Variants in LIN52 observed in about 807,000 individuals in gnomAD.
The protein encoded by LIN52 is protein lin-52 homolog.
Under a neutral mutation model 18.5 loss-of-function variants are expected in LIN52, and 4 were observed. The ratio of observed to expected loss-of-function variants is 0.22; its 90% CI spans 0.11 to 0.49. LIN52 has a LOEUF of 0.49. Among genes scored for constraint, LIN52 ranks in the 20% least tolerant of loss-of-function variants. The pLI, the probability that LIN52 is intolerant of heterozygous loss-of-function variation, is 0.97. For synonymous variants in LIN52, 34 were observed against 45.5 expected (o/e 0.75, Z 1.02); for missense variants, 102 against 139.5 (o/e 0.73, Z 1.35).
At chr14:74,087,413 CAAAA>C (rs59052804) in intron 1 of LIN52, among the ~76,000 whole-genome samples, 2 of 100,236 alleles carry the variant, frequency 2.0e-5, no homozygotes, top group Admixed American at 1.2e-4. Flanking sequence ...GACTCCATTG[CAAAA>C]AAAAAAAAAA....
chr14:74,158,444 C>T (rs981873959), intron 5 of LIN52, among the ~76,000 whole-genome samples: 28 of 150,026 alleles, frequency 1.9e-4, no homozygotes, highest in African/African-American at 5.4e-4. Context: ...GTTATTTCTT[C>T]CTTTCTTTCT....
intron 5 of LIN52, among the ~76,000 whole-genome samples, chr14:74,142,715 C>T (rs1463791687): frequency 1.3e-5 from 2 of 150,938 alleles, no homozygotes; most frequent in Admixed American, 1.3e-4. Context: ...ATTCTCTGAG[C>T]TAAGAATGTT....
At chr14:74,175,020 A>AAATAATAAT (rs141936961) in intron 5 of LIN52, among the ~76,000 whole-genome samples, 319 of 140,964 alleles carry the variant, frequency 2.3e-3, no homozygotes, top group Middle Eastern at 3.6e-3. Flanking sequence ...GACTCAAAGA[A>AAATAATAAT]AATAATAATA....
At chr14:74,162,808 C>T (rs1244193504) in intron 5 of LIN52, among the ~76,000 whole-genome samples, 1 of 152,122 alleles carries the variant, frequency 6.6e-6, no homozygotes, top group Non-Finnish European at 1.5e-5. Context: ...CTCTCCTCTT[C>T]CTGTCTTCCA....
At chr14:74,142,644 C>T (rs937808608) in intron 5 of LIN52, among the ~76,000 whole-genome samples, 8 of 151,746 alleles carry the variant, frequency 5.3e-5, no homozygotes, top group Non-Finnish European at 7.4e-5. Flanking sequence ...ATGACTACCA[C>T]ATTGGACAGC....
intron 5 of LIN52, among the ~76,000 whole-genome samples, chr14:74,130,150 T>C (rs1257356134): frequency 6.6e-6 from 1 of 151,922 alleles, no homozygotes; most frequent in Non-Finnish European, 1.5e-5. Context: ...GTGGGAATTA[T>C]GGGAGCTACA....
intron 5 of LIN52, among the ~76,000 whole-genome samples, chr14:74,129,533 G>A (rs758847203): frequency 9.2e-5 from 14 of 152,098 alleles, no homozygotes; most frequent in Non-Finnish European, 1.8e-4. Context: ...TTATATGTTG[G>A]ATCCCAGACT....
At chr14:74,096,703 A>G (rs1396434549) in intron 3 of LIN52, among the ~76,000 whole-genome samples, 1 of 152,104 alleles carries the variant, frequency 6.6e-6, no homozygotes, top group African/African-American at 2.4e-5. Flanking sequence ...GCAGCTATGG[A>G]GCTCTTGAAA....
chr14:74,155,504 C>T (rs1009944236), intron 5 of LIN52, among the ~76,000 whole-genome samples: 2 of 152,152 alleles, frequency 1.3e-5, no homozygotes, highest in African/African-American at 4.8e-5. Flanking sequence ...ACATGAGCGC[C>T]GGATGGATGA....
intron 5 of LIN52, among the ~76,000 whole-genome samples, chr14:74,132,766 C>T (rs2061075672): frequency 6.6e-6 from 1 of 152,182 alleles, no homozygotes; most frequent in Non-Finnish European, 1.5e-5. Flanking sequence ...CTCGGCCTCC[C>T]AAAGTGCTGG....
intron 5 of LIN52, among the ~76,000 whole-genome samples, chr14:74,141,306 G>A (rs1235449286): frequency 3.3e-5 from 5 of 152,320 alleles, no homozygotes; most frequent in Non-Finnish European, 7.3e-5. Context: ...ATACACAGAT[G>A]CAATCATAAT....
chr14:74,153,670 G>A (rs192152558), intron 5 of LIN52, among the ~76,000 whole-genome samples: 4 of 151,578 alleles, frequency 2.6e-5, no homozygotes, highest in African/African-American at 4.8e-5. Context: ...TCAGCCTCCC[G>A]ATAGCTGGGA....
intron 5 of LIN52, among the ~76,000 whole-genome samples, chr14:74,104,645 A>G (rs533930742): frequency 6.6e-6 from 1 of 150,534 alleles, no homozygotes; most frequent in Non-Finnish European, 1.5e-5. Flanking sequence ...TGGGTACATT[A>G]TGTGTGCTGG....
rs953050619 is a variant in LIN52 at position 74,200,304 on chromosome 14, T to A, written c.*1327T>A. 1 of 146,274 alleles carries A rather than the reference T, an allele frequency of 6.8e-6. No individual in the cohort carries two copies. The highest frequency in any genetic ancestry group is 1.5e-5 in the Non-Finnish European group (1 of 66,476). 9.1% of individuals were successfully genotyped at this position (146,274 alleles called of 1,614,324 possible). ...GGTGCATGCCTATAGTCCCAGCTAC[T>A]TGGGGGCCTGAGGCACGAGAATCGC... On this transcript the variant is annotated 3_prime_UTR_variant, in exon 6 of 6. Transcript: ENST00000555028.
chr14:74,155,722 T>C (rs2061196521), intron 5 of LIN52, among the ~76,000 whole-genome samples: 1 of 152,236 alleles, frequency 6.6e-6, no homozygotes, highest in African/African-American at 2.4e-5. Context: ...TTTTAACAAG[T>C]GTGCTATCTT....
rs1367744640 is a variant in LIN52 at position 74,131,519 on chromosome 14, C to G, written c.283+30281C>G. Among the ~76,000 whole-genome samples the G allele has an allele frequency of 1.3e-5, 2 of 152,012 alleles. 1 individual carries two copies. Among genetic ancestry groups the G allele is most frequent in the East Asian group, 3.9e-4 (2 of 5,180 alleles). On this transcript the variant is annotated intron_variant, in intron 5 of 5. Coordinates refer to ENST00000555028, the MANE Select transcript of LIN52 (RefSeq NM_001024674.3). ...ATTTTTAGTAGAGACGGGATTTCAC[C>G]ATGTTGGCCAGGCTGGTCTCGAACT...
chr14:74,099,234 A>G (rs887016), intron 4 of LIN52, among the ~76,000 whole-genome samples: 1 of 152,110 alleles, frequency 6.6e-6, no homozygotes, highest in African/African-American at 2.4e-5. Flanking sequence ...AAGAAAGTCT[A>G]CTTATGCTAG....
intron 2 of LIN52, 61 bp downstream of exon 2, chr14:74,091,367 GA>G: frequency 2.6e-6 from 3 of 1,165,708 alleles, no homozygotes; most frequent in Non-Finnish European, 3.7e-6. Context: ...CCTTTTTAAA[GA>G]GATTTTTAAA....
At chr14:74,150,730 G>A (rs2061173392) in intron 5 of LIN52, among the ~76,000 whole-genome samples, 2 of 152,030 alleles carry the variant, frequency 1.3e-5, no homozygotes, top group African/African-American at 4.8e-5. Context: ...ACACTCTAAG[G>A]GCTAATAGCC....
Sources: gnomAD v4.1 joint callset for allele counts (sites outside exome capture counted in the v4.1 genomes callset) on GRCh38, gnomAD v4.1.1 for gene constraint, MANE v1.5 for transcripts, NCBI Gene and HGNC (gene_info 2026-07-23, HGNC 2026-07-21) for gene names.